The following MSANTD2 variants were observed in gnomAD, a reference collection of about 807,000 sequenced individuals.
MSANTD2 encodes the protein Myb/SANT DNA binding domain containing 2.
In MSANTD2, 19 loss-of-function variants were observed where a neutral mutation model predicts 52.6. The ratio of observed to expected loss-of-function variants is 0.36; its 90% CI spans 0.25 to 0.53. MSANTD2 has a LOEUF of 0.53. Among genes scored for constraint, MSANTD2 ranks in the 20% least tolerant of loss-of-function variants. The pLI is 0.91. For synonymous variants in MSANTD2, 291 were observed against 289.7 expected (o/e 1.00, Z -0.04); for missense variants, 558 against 716.3 (o/e 0.78, Z 2.52).
chr11:124,783,915 T>C, intron 1 of MSANTD2: 2 of 985,428 alleles, frequency 2.0e-6, no homozygotes, highest in Non-Finnish European at 2.4e-6. Flanking sequence ...TGATCTCAGA[T>C]GAGCAGTAAT....
At chr11:124,794,772 A>C (rs1036410495) in intron 1 of MSANTD2, among the ~76,000 whole-genome samples, 2 of 152,248 alleles carry the variant, frequency 1.3e-5, no homozygotes, top group Non-Finnish European at 2.9e-5. Context: ...GTTAGAGTAC[A>C]AAATTTGTTC....
intron 3 of MSANTD2, among the ~76,000 whole-genome samples, chr11:124,769,134 A>C (rs1421038299): frequency 1.3e-5 from 2 of 152,218 alleles, no homozygotes; most frequent in African/African-American, 4.8e-5. Flanking sequence ...TTGATCCTTG[A>C]GACTTTTCCT....
At position 124,784,120 on chromosome 11, in the gene MSANTD2, A is replaced by G. The variant is rs11822687; in HGVS notation, c.511-9146T>C. Reference sequence around the variant, plus strand: ...CTACAGTCACCAAAGATAGCAGATAACACTATTTGTCTAGAACTTCCTCCT... The same window carrying G: ...CTACAGTCACCAAAGATAGCAGATAGCACTATTTGTCTAGAACTTCCTCCT... On this transcript the variant is annotated intron_variant, in intron 1 of 3. Transcript: ENST00000374979. The G allele has an allele frequency of 2.4e-3, 2,355 of 985,212 alleles. 53 individuals are homozygous for G. In the African/African-American group the frequency reaches 0.039, roughly 16 times the overall value. 61.0% of individuals were successfully genotyped at this position (985,212 alleles called of 1,614,324 possible).
chr11:124,780,488 C>T (rs543985043), intron 1 of MSANTD2, among the ~76,000 whole-genome samples: 17 of 152,328 alleles, frequency 1.1e-4, no homozygotes, highest in Admixed American at 1.1e-3. Context: ...TTTTATTCTT[C>T]AATCTTTTGC....
chr11:124,781,677 GAT>G (rs1248259725), intron 1 of MSANTD2, among the ~76,000 whole-genome samples: 1 of 144,238 alleles, frequency 6.9e-6, no homozygotes, highest in African/African-American at 2.6e-5. Context: ...TTTTGAGACA[GAT>G]TCTCGCTCTG....
chr11:124,800,105 C>T lies in MSANTD2; in HGVS notation c.276G>A (p.Ala92=). The change falls in exon 1 of 4, where the codon GCG becomes GCA. Residue 92 remains alanine (A), a synonymous_variant. Coordinates refer to ENST00000374979, the MANE Select transcript of MSANTD2 (RefSeq NM_001308027.2). This position sits in a 1 kb window ranked among gnomAD's most constrained non-coding sequence, Gnocchi z 4.3. ...CCCGGCAGGCGGCGGCGGCGGCTGC[C>T]GCAGCCCCGCCACCGCCGCCACCAG... is the stretch of plus-strand genomic sequence containing the variant. The part of the protein sequence containing the change: ...FSPGGGGGGA[A]AAAAAACRGM... 1.3e-6 allele frequency: 2 copies of T among 1,481,776 alleles called. No individual in the cohort carries two copies. Among genetic ancestry groups the T allele is most frequent in the Non-Finnish European group, 1.8e-6 (2 of 1,125,746 alleles). The allele number at this position is 1,481,776 out of a possible 1,614,324, so 91.8% of individuals were successfully genotyped here. A position where few individuals can be genotyped will look rare whatever the true frequency, so the allele number is the denominator to read the frequency against.
In MSANTD2 at chr11:124,767,852, A is replaced by T; in HGVS notation, c.1004T>A (p.Ile335Asn). 6.2e-7 allele frequency: 1 copy of T among 1,614,248 alleles called. No individual in the cohort carries two copies. The highest frequency in any genetic ancestry group is 8.5e-7 in the Non-Finnish European group (1 of 1,180,040). ...CTTGCCAAGGGGCACCTGGGAGCTGATCTCAGCATAATGGTAACGGATATC... is the reference window on the plus strand; with the variant it reads ...CTTGCCAAGGGGCACCTGGGAGCTGTTCTCAGCATAATGGTAACGGATATC... Reference protein sequence around the residue: ...KEDIRYHYAEISSQVPLGKRL... With the variant: ...KEDIRYHYAENSSQVPLGKRL... Residue 335 changes from isoleucine (I) to asparagine (N), a missense_variant, in exon 4 of 4, where the codon ATC becomes AAC. This residue lies in a region of MSANTD2 where 408 missense variants were observed against 573.6 expected (regional missense o/e 0.71). Transcript: ENST00000374979. This position sits in a 1 kb window ranked among gnomAD's most constrained non-coding sequence, Gnocchi z 6.5.
intron 1 of MSANTD2, among the ~76,000 whole-genome samples, chr11:124,777,974 T>C (rs1306489976): frequency 6.6e-6 from 1 of 152,106 alleles, no homozygotes; most frequent in Non-Finnish European, 1.5e-5. Context: ...GAGTTAAACT[T>C]GAGGGAGTTT....
chr11:124,800,008 G>T lies in MSANTD2; in HGVS notation c.373C>A (p.Arg125=). The part of the protein sequence containing the change: ...VWGNERLVEA[R]YQQLEGAGTV... ...CCGGCTCCCTCCAGCTGCTGGTACC[G>T]CGCCTCCACCAGCCGCTCGTTGCCC... is the stretch of plus-strand genomic sequence containing the variant. Residue 125 remains arginine (R), a synonymous_variant, in exon 1 of 4, where the codon CGG becomes AGG. Transcript: ENST00000374979. The surrounding 1 kb of genome is among the most constrained non-coding windows in gnomAD (Gnocchi z 4.3). 6.3e-7 allele frequency: 1 copy of T among 1,582,760 alleles called. No individual in the cohort carries two copies. Among genetic ancestry groups the T allele is most frequent in the South Asian group, 1.1e-5 (1 of 89,208 alleles).
intron 3 of MSANTD2, among the ~76,000 whole-genome samples, chr11:124,769,841 T>G (rs1033039122): frequency 4.6e-5 from 7 of 152,186 alleles, no homozygotes; most frequent in Non-Finnish European, 1.0e-4. Context: ...AATAAACTCT[T>G]GCACTGGAAA....
intron 1 of MSANTD2, among the ~76,000 whole-genome samples, chr11:124,798,339 G>C (rs1022867683): frequency 6.6e-6 from 1 of 151,606 alleles, no homozygotes; most frequent in Admixed American, 6.6e-5. Flanking sequence ...GAGTTCTTCA[G>C]GTTGGGCAAG....
At chr11:124,782,434 A>G (rs548715929) in intron 1 of MSANTD2, among the ~76,000 whole-genome samples, 11 of 152,324 alleles carry the variant, frequency 7.2e-5, no homozygotes, top group African/African-American at 2.6e-4. Flanking sequence ...CTTGGGCAAC[A>G]GAGTGAGACC....
chr11:124,796,228 GGTAA>G (rs1385631733), intron 1 of MSANTD2, among the ~76,000 whole-genome samples: 1 of 152,140 alleles, frequency 6.6e-6, no homozygotes, highest in East Asian at 1.9e-4. Context: ...GTCCAAAGAA[GGTAA>G]GTGACATGCT....
At chr11:124,792,877 C>T (rs1039368128) in intron 1 of MSANTD2, 1 of 152,188 alleles carries the variant, frequency 6.6e-6, no homozygotes, top group Non-Finnish European at 1.5e-5. Context: ...TCCCCTCCCC[C>T]CCTCCAGATA....
At chr11:124,795,190 T>A (rs1234894233) in intron 1 of MSANTD2, among the ~76,000 whole-genome samples, 1 of 152,198 alleles carries the variant, frequency 6.6e-6, no homozygotes, top group East Asian at 1.9e-4. Context: ...CTTTTACCAT[T>A]TTTAAATTTG....
intron 1 of MSANTD2, chr11:124,784,069 A>G (rs996211852): frequency 1.0e-6 from 1 of 985,212 alleles, no homozygotes; most frequent in African/African-American, 1.7e-5. Flanking sequence ...GAACTATTTC[A>G]GTATATAAGC....
At chr11:124,785,245 C>A (rs1379461662) in intron 1 of MSANTD2, among the ~76,000 whole-genome samples, 1 of 152,220 alleles carries the variant, frequency 6.6e-6, no homozygotes, top group Non-Finnish European at 1.5e-5. Context: ...GAAGGTAAAT[C>A]ATAGCTACCA....
chr11:124,791,844 C>T (rs758979302), intron 1 of MSANTD2: 24 of 462,132 alleles, frequency 5.2e-5, no homozygotes, highest in Admixed American at 5.1e-4. Flanking sequence ...ACTGTGTATA[C>T]TGTTATGAAA....
At chr11:124,773,109 G>T in intron 2 of MSANTD2, 55 bp from the exon 3 acceptor site, 2 of 1,005,984 alleles carry the variant, frequency 2.0e-6, no homozygotes, top group Non-Finnish European at 3.1e-6. Flanking sequence ...TGGCATGCAT[G>T]TATGTAGATA....
Sources: gnomAD v4.1 joint callset for allele counts (sites outside exome capture counted in the v4.1 genomes callset) on GRCh38, gnomAD v4.1.1 for gene constraint, gnomAD v4.1.1 regional missense constraint, Gnocchi (gnomAD v3.1) non-coding constraint, MANE v1.5 for transcripts, NCBI Gene and HGNC (gene_info 2026-07-23, HGNC 2026-07-21) for gene names.